The following SESTD1 variants were observed in gnomAD, a reference collection of about 807,000 sequenced individuals.
SESTD1 encodes SEC14 and spectrin domain containing 1.
SESTD1 carries 43 observed loss-of-function variants against 101.7 expected under a neutral mutation model. The ratio of observed to expected loss-of-function variants is 0.42; its 90% confidence interval spans 0.33 to 0.55. SESTD1 has a LOEUF of 0.55. Among genes scored for constraint, SESTD1 ranks in the 20% least tolerant of loss-of-function variants. The pLI is 0.07. For synonymous variants in SESTD1, 283 were observed against 286.8 expected (o/e 0.99, Z 0.13); for missense variants, 647 against 815.1 (o/e 0.79, Z 2.51).
chr2:179,182,890 T>C (rs1344073846), intron 3 of SESTD1, among the ~76,000 whole-genome samples, 190 bp downstream of exon 3: 1 of 152,066 alleles, frequency 6.6e-6, no homozygotes, highest in East Asian at 1.9e-4. Context: ...ATCCTTAAAT[T>C]CATCAAGAGC....
chr2:179,120,502 T>C (rs1041570843), intron 13 of SESTD1, among the ~76,000 whole-genome samples: 12 of 152,194 alleles, frequency 7.9e-5, no homozygotes, highest in African/African-American at 2.2e-4. Context: ...GCAGTAACTT[T>C]AGCTAGTGGC....
chr2:179,201,914 A>G (rs1339663028), intron 1 of SESTD1, among the ~76,000 whole-genome samples: 1 of 70,352 alleles, frequency 1.4e-5, no homozygotes, highest in South Asian at 7.5e-4. Flanking sequence ...CCTAAAACTT[A>G]AAGTATAATA....
intron 1 of SESTD1, among the ~76,000 whole-genome samples, chr2:179,228,217 G>A (rs1296853764): frequency 1.3e-5 from 2 of 152,140 alleles, no homozygotes; most frequent in African/African-American, 4.8e-5. Context: ...TGTCACGGAT[G>A]TATGTGTCTG....
Position 179,116,667 on chromosome 2 carries a change from C to A in SESTD1, c.1647+1G>T. ...GAAAAGGAAGATAACCAGTTTTGCA[C>A]CTGTGCAACATCAACAAATTTTCTA... On this transcript the variant is annotated splice_donor_variant, in intron 15 of 17. Coordinates refer to ENST00000428443, the MANE Select transcript of SESTD1 (RefSeq NM_178123.5). LOFTEE classifies it high-confidence loss of function. The A allele has an allele frequency of 6.2e-7, 1 of 1,614,044 alleles. No homozygotes were observed. Among genetic ancestry groups the A allele is most frequent in the Non-Finnish European group, 8.5e-7 (1 of 1,179,986 alleles).
At chr2:179,153,709 C>T (rs1015031350) in intron 5 of SESTD1, among the ~76,000 whole-genome samples, 1 of 152,006 alleles carries the variant, frequency 6.6e-6, no homozygotes, top group South Asian at 2.1e-4. Context: ...TAAAAGGAAT[C>T]ACACCATGAT....
At chr2:179,218,366 CA>C (rs531499665) in intron 1 of SESTD1, among the ~76,000 whole-genome samples, 1 of 151,504 alleles carries the variant, frequency 6.6e-6, no homozygotes, top group Non-Finnish European at 1.5e-5. Flanking sequence ...ACATTCGTAA[CA>C]AAAAAAATAC....
At chr2:179,165,245 T>C (rs980252156) in intron 5 of SESTD1, among the ~76,000 whole-genome samples, 2 of 152,204 alleles carry the variant, frequency 1.3e-5, no homozygotes, top group African/African-American at 4.8e-5. Flanking sequence ...AACATATTGA[T>C]ATAAGAAGTT....
At chr2:179,165,081 A>C (rs1019273260) in intron 5 of SESTD1, among the ~76,000 whole-genome samples, 2 of 152,206 alleles carry the variant, frequency 1.3e-5, no homozygotes, top group African/African-American at 4.8e-5. Context: ...TTTAATGGAT[A>C]GTGTTGAACT....
rs1300161488 is a variant in SESTD1, at chr2:179,247,554, A to G, written c.-26+16945T>C. 2.6e-5 allele frequency among the ~76,000 whole-genome samples: 4 copies of G among 152,060 alleles called. No homozygotes were observed. In the South Asian group the frequency reaches 8.3e-4, roughly 32 times the overall value. On this transcript the variant is annotated intron_variant, in intron 1 of 17. Transcript: ENST00000428443. ...ATCCCTCCCACATCAGCTCCTAAGT[A>G]GCTAGGACTACAGGCATGTACCACC...
At chr2:179,111,391 C>T (rs1463482320) in intron 17 of SESTD1, among the ~76,000 whole-genome samples, 1 of 152,170 alleles carries the variant, frequency 6.6e-6, no homozygotes, top group African/African-American at 2.4e-5. Context: ...GTTTTAAGTA[C>T]TTTATACTTA....
At chr2:179,149,420 C>A in intron 6 of SESTD1, 26 bp from the exon 7 acceptor site, 1 of 1,437,808 alleles carries the variant, frequency 7.0e-7, no homozygotes, top group South Asian at 1.2e-5. Context: ...TATTAACATA[C>A]TAAGAACAGT....
Position 179,212,314 on chromosome 2 carries a change from G to A in SESTD1, c.-25-20448C>T. Among the ~76,000 whole-genome samples the A allele has an allele frequency of 1.5e-5, 2 of 136,222 alleles. 1 individual carries two copies. The highest frequency in any genetic ancestry group is 1.4e-4 in the Admixed American group (2 of 14,056). The allele number at this position is 136,222 out of a possible 152,430, so 89.4% of individuals were successfully genotyped here. A position where few individuals can be genotyped will look rare whatever the true frequency, so the allele number is the denominator to read the frequency against. ...CACCCAAATACTTCACTTTTCCCAA[G>A]GTCTTAGCAACTGGCAGACAAGGAA... On this transcript the variant is annotated intron_variant, in intron 1 of 17. Transcript: ENST00000428443.
intron 6 of SESTD1, among the ~76,000 whole-genome samples, chr2:179,149,909 A>C (rs2045480798): frequency 6.6e-6 from 1 of 152,212 alleles, no homozygotes; most frequent in Non-Finnish European, 1.5e-5. Flanking sequence ...GTAGACAATC[A>C]CTTGACTAAC....
chr2:179,117,305 A>C (rs1165015364), intron 14 of SESTD1, among the ~76,000 whole-genome samples: 1 of 152,236 alleles, frequency 6.6e-6, no homozygotes, highest in Admixed American at 6.5e-5. Flanking sequence ...CCCAATCTCT[A>C]GCTCAATAGA....
chr2:179,258,316 A>G (rs1043010546), intron 1 of SESTD1, among the ~76,000 whole-genome samples: 6 of 152,192 alleles, frequency 3.9e-5, no homozygotes, highest in African/African-American at 1.4e-4. Flanking sequence ...TTTCTAAACT[A>G]TTACTGAATC....
intron 2 of SESTD1, among the ~76,000 whole-genome samples, chr2:179,186,588 A>G (rs757283484): frequency 6.6e-5 from 10 of 152,144 alleles, no homozygotes; most frequent in Non-Finnish European, 1.3e-4. Context: ...TTACATTTTC[A>G]TATCAGAAGT....
intron 13 of SESTD1, among the ~76,000 whole-genome samples, chr2:179,120,908 T>C (rs1332117951): frequency 6.6e-6 from 1 of 152,190 alleles, no homozygotes; most frequent in East Asian, 1.9e-4. Context: ...AATTTAAGCA[T>C]TTAAGTGAGG....
chr2:179,190,795 C>A (rs914414146), intron 2 of SESTD1, among the ~76,000 whole-genome samples: 1 of 152,008 alleles, frequency 6.6e-6, no homozygotes, highest in Non-Finnish European at 1.5e-5. Context: ...CAGATAATCA[C>A]AGGAATGCAA....
Position 179,141,680 on chromosome 2 carries a change from G to A in SESTD1, c.849+1912C>T, listed in dbSNP as rs1321740184. 3.3e-5 allele frequency among the ~76,000 whole-genome samples: 5 copies of A among 152,074 alleles called. No homozygotes were observed. In the East Asian group the frequency reaches 9.6e-4, roughly 29 times the overall value. ...GTTATCCTTTGCTTACTGAAGAGGA[G>A]ACTATGACATAAGGACCTTCCTTTT... On this transcript the variant is annotated intron_variant, in intron 9 of 17. Transcript: ENST00000428443.
Sources: gnomAD v4.1 joint callset for allele counts (sites outside exome capture counted in the v4.1 genomes callset) on GRCh38, gnomAD v4.1.1 for gene constraint, MANE v1.5 for transcripts, NCBI Gene and HGNC (gene_info 2026-07-23, HGNC 2026-07-21) for gene names.